TSPAN9: variants seen among roughly 807,000 people sequenced by gnomAD.
TSPAN9 encodes tetraspanin-9.
In TSPAN9, 16 loss-of-function variants were observed where a neutral mutation model predicts 31.0. The observed-to-expected ratio is 0.52, with a 90% CI of 0.35 to 0.78. The LOEUF is 0.78. Among genes scored for constraint, TSPAN9 ranks in the 30% least tolerant of loss-of-function variants. The pLI is 0.01. For missense variants in TSPAN9, 272 were observed against 312.5 expected (o/e 0.87, Z 0.98); for synonymous variants, 145 against 121.6 (o/e 1.19, Z -1.27).
At chr12:3,209,958 C>CA (rs57719008) in intron 3 of TSPAN9, among the ~76,000 whole-genome samples, 884 of 49,686 alleles carry the variant, frequency 0.018, 79 homozygotes, top group African/African-American at 0.035. Context: ...GACTCTGTCC[C>CA]AAAAAAAAAA....
chr12:3,216,505 G>A (rs58764619), intron 3 of TSPAN9, among the ~76,000 whole-genome samples: 6,112 of 152,254 alleles, frequency 0.04, 420 homozygotes, highest in African/African-American at 0.14. Flanking sequence ...TTTTCGTACC[G>A]TCTCAAAGCA....
At chr12:3,087,335 G>A (rs1296693624) in intron 2 of TSPAN9, among the ~76,000 whole-genome samples, 1 of 151,890 alleles carries the variant, frequency 6.6e-6, no homozygotes, top group East Asian at 1.9e-4. Flanking sequence ...GTGAGACCTC[G>A]TCTCTAATAA....
chr12:3,208,703 G>T (rs1348440948), intron 3 of TSPAN9, among the ~76,000 whole-genome samples: 1 of 152,118 alleles, frequency 6.6e-6, no homozygotes, highest in South Asian at 2.1e-4. Context: ...GTAAATTCAC[G>T]TACTTAAAAA....
rs1318692494 is a variant in TSPAN9 at position 3,107,823 on chromosome 12, C to A, written c.-18+24104C>A. Reference sequence around the variant, plus strand: ...CGCTAGTGCTACCTGGGCATGAATTCATTTTTTCCTGGCTTGAGTTTCAAA... The same window carrying A: ...CGCTAGTGCTACCTGGGCATGAATTAATTTTTTCCTGGCTTGAGTTTCAAA... On this transcript the variant is annotated intron_variant, in intron 2 of 8. Coordinates refer to ENST00000011898, the MANE Select transcript of TSPAN9 (RefSeq NM_006675.5). This position sits in a 1 kb window ranked among gnomAD's most constrained non-coding sequence, Gnocchi z 4.1. Among the ~76,000 whole-genome samples, 1 of 152,222 alleles carries A rather than the reference C, an allele frequency of 6.6e-6. No individual in the cohort carries two copies. The highest frequency in any genetic ancestry group is 6.5e-5 in the Admixed American group (1 of 15,282).
At chr12:3,190,145 C>T (rs1037722012) in intron 2 of TSPAN9, among the ~76,000 whole-genome samples, 17 of 152,146 alleles carry the variant, frequency 1.1e-4, no homozygotes, top group Non-Finnish European at 1.9e-4. Flanking sequence ...GAGAGTGGGC[C>T]GAGGGAGGCA....
At chr12:3,166,781 T>C (rs1265477310) in intron 2 of TSPAN9, among the ~76,000 whole-genome samples, 1 of 152,076 alleles carries the variant, frequency 6.6e-6, no homozygotes, top group Non-Finnish European at 1.5e-5. Context: ...CATAGATTAG[T>C]GTTTTGTTTT....
At chr12:3,173,849 T>TC (rs1021061036) in intron 2 of TSPAN9, 13 of 152,126 alleles carry the variant, frequency 8.5e-5, no homozygotes, top group Admixed American at 7.2e-4. Flanking sequence ...CCTCCCTCCC[T>TC]CCTCCTCCTT....
chr12:3,090,747 C>G (rs1052726997), intron 2 of TSPAN9, among the ~76,000 whole-genome samples: 1 of 152,192 alleles, frequency 6.6e-6, no homozygotes, highest in African/African-American at 2.4e-5. Flanking sequence ...TGCCCAGAAG[C>G]ATGAGGAATA....
At chr12:3,174,646 G>A (rs1301817745) in intron 2 of TSPAN9, among the ~76,000 whole-genome samples, 3 of 152,082 alleles carry the variant, frequency 2.0e-5, no homozygotes, top group Admixed American at 6.5e-5. Flanking sequence ...GCAGTGGCGC[G>A]ATCTCCGCTC....
At chr12:3,174,720 C>G (rs80343281) in intron 2 of TSPAN9, among the ~76,000 whole-genome samples, 1 of 147,178 alleles carries the variant, frequency 6.8e-6, no homozygotes, top group Non-Finnish European at 1.5e-5. Flanking sequence ...GTAGCTGGGA[C>G]TACAGGCGCC....
chr12:3,209,234 C>CA lies in TSPAN9; in HGVS notation c.63+7993dup, dbSNP rs10580349. Among the ~76,000 whole-genome samples, 1,093 of 139,654 alleles carry CA rather than the reference C, an allele frequency of 7.8e-3. 3 individuals carry two copies. Among genetic ancestry groups the CA allele is most frequent in the Non-Finnish European group, 0.012 (739 of 63,950 alleles). The allele number at this position is 139,654 out of a possible 152,430, so 91.6% of individuals were successfully genotyped here. A position where few individuals can be genotyped will look rare whatever the true frequency, so the allele number is the denominator to read the frequency against. The stretch of plus-strand genomic sequence containing the variant: ...TGGGCGACAGAGTGAGACTCCATCT[C>CA]AAAAAAAAAAAAAAATAAAAAACTA... On this transcript the variant is annotated intron_variant, in intron 3 of 8. Coordinates refer to ENST00000011898, the MANE Select transcript of TSPAN9 (RefSeq NM_006675.5).
chr12:3,282,209 C>G, intron 8 of TSPAN9: 1 of 581,756 alleles, frequency 1.7e-6, no homozygotes, highest in South Asian at 2.1e-5. Context: ...GAGACCACAC[C>G]GGGCTTCCTT....
intron 2 of TSPAN9, among the ~76,000 whole-genome samples, chr12:3,097,966 CG>C (rs1483897592): frequency 6.6e-6 from 1 of 152,194 alleles, no homozygotes; most frequent in African/African-American, 2.4e-5. Flanking sequence ...TCAGTGATGC[CG>C]GGGTCTGTCT....
At chr12:3,095,587 C>G (rs1249989160) in intron 2 of TSPAN9, among the ~76,000 whole-genome samples, 1 of 126,432 alleles carries the variant, frequency 7.9e-6, no homozygotes, top group African/African-American at 2.9e-5. Context: ...CGGGCAGAGG[C>G]GCCCCTCACC....
intron 2 of TSPAN9, among the ~76,000 whole-genome samples, chr12:3,097,228 G>T (rs930432841): frequency 6.6e-6 from 1 of 152,116 alleles, no homozygotes; most frequent in Non-Finnish European, 1.5e-5. Flanking sequence ...GCCTGCTTCC[G>T]TCTTCGTCAG....
chr12:3,192,848 A>G lies in TSPAN9; in HGVS notation c.-17-8329A>G, dbSNP rs2098365150. On this transcript the variant is annotated intron_variant, in intron 2 of 8. Coordinates refer to ENST00000011898, the MANE Select transcript of TSPAN9 (RefSeq NM_006675.5). The surrounding 1 kb of genome is among the most constrained non-coding windows in gnomAD (Gnocchi z 4.6). ...TCCCTTAGAATTTCAGCCACACAACATTAGCTATTGATGATGTTTCTTTCT... is the reference window on the plus strand; with the variant it reads ...TCCCTTAGAATTTCAGCCACACAACGTTAGCTATTGATGATGTTTCTTTCT... Among the ~76,000 whole-genome samples, 1 of 152,174 alleles carries G rather than the reference A, an allele frequency of 6.6e-6. No homozygotes were observed. Among genetic ancestry groups the G allele is most frequent in the Non-Finnish European group, 1.5e-5 (1 of 68,014 alleles).
At chr12:3,273,799 G>A (rs1242158871) in intron 3 of TSPAN9, among the ~76,000 whole-genome samples, 2 of 152,124 alleles carry the variant, frequency 1.3e-5, no homozygotes, top group Admixed American at 6.5e-5. Context: ...TGCGGGGCAG[G>A]CCTGGCTCAC....
At chr12:3,144,829 TC>T (rs1353680095) in intron 2 of TSPAN9, among the ~76,000 whole-genome samples, 1 of 152,252 alleles carries the variant, frequency 6.6e-6, no homozygotes, top group Admixed American at 6.5e-5. Context: ...AGGTGCCCCT[TC>T]AGTGAGGCTT....
chr12:3,257,586 A>G (rs377074654), intron 3 of TSPAN9, among the ~76,000 whole-genome samples: 2 of 151,878 alleles, frequency 1.3e-5, no homozygotes, highest in Non-Finnish European at 2.9e-5. Context: ...GGAATAAATT[A>G]TCCCCAACAA....
Sources: gnomAD v4.1 joint callset for allele counts (sites outside exome capture counted in the v4.1 genomes callset) on GRCh38, gnomAD v4.1.1 for gene constraint, Gnocchi (gnomAD v3.1) non-coding constraint, MANE v1.5 for transcripts, NCBI Gene and HGNC (gene_info 2026-07-23, HGNC 2026-07-21) for gene names.